C11orf65: variants seen among roughly 807,000 people sequenced by gnomAD.
C11orf65 encodes protein MFI.
Under a neutral mutation model 35.3 loss-of-function variants are expected in C11orf65, and 38 were observed. That is an observed-to-expected ratio of 1.08 (90% CI 0.83 to 1.41). The LOEUF (loss-of-function observed/expected upper bound fraction) is 1.41, where lower values mean the gene tolerates loss of function less well. Ranked by LOEUF, C11orf65 falls within the 40% of genes most tolerant of loss-of-function variation. The pLI is 0.00. For missense variants in C11orf65, 370 were observed against 367.1 expected (o/e 1.01, Z -0.06); for synonymous variants, 105 against 114.4 (o/e 0.92, Z 0.53).
intron 2 of C11orf65, among the ~76,000 whole-genome samples, chr11:108,442,980 A>C (rs1260659133): frequency 6.6e-6 from 1 of 152,210 alleles, no homozygotes; most frequent in Non-Finnish European, 1.5e-5. Flanking sequence ...ATTAACTTTA[A>C]ATGTAAATGG....
At chr11:108,400,885 T>C (rs893450238) in intron 6 of C11orf65, among the ~76,000 whole-genome samples, 10 of 152,000 alleles carry the variant, frequency 6.6e-5, no homozygotes, top group Admixed American at 1.3e-4. Flanking sequence ...GGCAGGCAGA[T>C]CACAAGGTCA....
rs780905851 is a variant in C11orf65 at position 108,345,889 on chromosome 11, T to A, written c.227-10597A>T. 3.7e-6 allele frequency: 6 copies of A among 1,613,658 alleles called. No individual in the cohort carries two copies. The highest frequency in any genetic ancestry group is 5.1e-6 in the Non-Finnish European group (6 of 1,179,790). ...AGAAGCGATTGGCTTATACGCGCAG[T>A]GTAGCTACTTCTTCTATTGGTAATC... is the stretch of plus-strand genomic sequence containing the variant. On this transcript the variant is annotated intron_variant, in intron 2 of 3. Transcript: ENST00000524755.
chr11:108,411,272 G>A (rs2356801), intron 3 of C11orf65, among the ~76,000 whole-genome samples: 76,049 of 151,742 alleles, frequency 0.5, 20,360 homozygotes, highest in Middle Eastern at 0.73. Context: ...AAATTTGGTG[G>A]TTTTCTACTT....
chr11:108,315,650 GTGT>G (rs2084564089), intron 6 of C11orf65, among the ~76,000 whole-genome samples: 1 of 151,872 alleles, frequency 6.6e-6, no homozygotes, highest in Non-Finnish European at 1.5e-5. Flanking sequence ...GTTCAAACTC[GTGT>G]TGTTTGAACT....
chr11:108,405,421 C>G lies in C11orf65; in HGVS notation c.560+8G>C. 6.2e-7 allele frequency: 1 copy of G among 1,607,006 alleles called. No homozygotes were observed. The highest frequency in any genetic ancestry group is 8.5e-7 in the Non-Finnish European group (1 of 1,178,548). On this transcript the variant is annotated splice_region_variant and intron_variant, in intron 6 of 8. Transcript: ENST00000393084. ...CGTATTTCCTTAGTAAGTGTTTCAT[C>G]AACTTACATTTGCCTCATCCACTCT...
At position 108,431,816 on chromosome 11, in the gene C11orf65, A is replaced by C; in HGVS notation, c.104T>G (p.Phe35Cys). The C allele has an allele frequency of 6.6e-7, 1 of 1,518,640 alleles. No homozygotes were observed. The highest frequency in any genetic ancestry group is 1.3e-5 in the South Asian group (1 of 75,456). The allele number at this position is 1,518,640 out of a possible 1,614,324, so 94.1% of individuals were successfully genotyped here. A position where few individuals can be genotyped will look rare whatever the true frequency, so the allele number is the denominator to read the frequency against. The part of the protein sequence containing the change: ...SFLNVAIFQH[F>C]KSLIDLRRQG... ...TCTTCTTAAATCAATCAGACTTTTA[A>C]AGTGTTGAAATATAGCGACATTCTA... Residue 35 changes from phenylalanine to cysteine, a missense_variant, in exon 3 of 9, where the codon TTT (phenylalanine) becomes TGT (cysteine). By Grantham distance (205) the Phe-to-Cys change is radical. Transcript: ENST00000393084.
intron 2 of C11orf65, among the ~76,000 whole-genome samples, chr11:108,439,831 T>C (rs181199177): frequency 6.6e-6 from 1 of 152,276 alleles, no homozygotes; most frequent in Admixed American, 6.5e-5. Context: ...TTTTGTTTAA[T>C]GGGTACATGA....
At chr11:108,353,659 A>G (rs2089475456) in intron 2 of C11orf65, 1 of 876,210 alleles carries the variant, frequency 1.1e-6, no homozygotes, top group African/African-American at 1.6e-5. Context: ...GTGTTCATAG[A>G]ACGTAGGTAA....
At chr11:108,402,615 ATATT>A (rs1565650712) in intron 6 of C11orf65, among the ~76,000 whole-genome samples, 4 of 151,706 alleles carry the variant, frequency 2.6e-5, no homozygotes, top group African/African-American at 9.7e-5. Flanking sequence ...TAAACTACAC[ATATT>A]TAAATTGTAC....
At chr11:108,309,084 T>A (rs1170846130) in intron 6 of C11orf65, 1 of 1,402,796 alleles carries the variant, frequency 7.1e-7, no homozygotes, top group African/African-American at 1.4e-5. Context: ...GGAGAAAGTA[T>A]GAATGGGATA....
At chr11:108,336,284 G>A (rs925232167) in intron 2 of C11orf65, 1 of 260,822 alleles carries the variant, frequency 3.8e-6, no homozygotes, top group Middle Eastern at 1.4e-3. Context: ...AGTCCAGCCT[G>A]AGCAACACAG....
At position 108,336,100 on chromosome 11, in the gene C11orf65, C is replaced by G. The variant is rs899773442; in HGVS notation, c.227-808G>C. On this transcript the variant is annotated intron_variant, in intron 2 of 3. Coordinates refer to the C11orf65 transcript ENST00000524755. ...TTGCTTGAGGCCAGGAGTTCGAGACCAGCCTCAGCAACATAGTGAGACCCC... is the reference window on the plus strand; with the variant it reads ...TTGCTTGAGGCCAGGAGTTCGAGACGAGCCTCAGCAACATAGTGAGACCCC... 9 of 655,690 alleles carry G rather than the reference C, an allele frequency of 1.4e-5. No individual in the cohort carries two copies. In the Admixed American group the frequency reaches 1.7e-4, roughly 12 times the overall value. The allele number at this position is 655,690 out of a possible 1,614,324, so 40.6% of individuals were successfully genotyped here.
At chr11:108,353,489 T>G (rs1412852089) in intron 2 of C11orf65, among the ~76,000 whole-genome samples, 9 of 152,162 alleles carry the variant, frequency 5.9e-5, no homozygotes, top group African/African-American at 2.2e-4. Context: ...CATTTTAAAT[T>G]ATACCAGTAG....
intron 6 of C11orf65, among the ~76,000 whole-genome samples, chr11:108,310,945 A>AT (rs2084104215): frequency 1.3e-5 from 2 of 152,172 alleles, no homozygotes; most frequent in Non-Finnish European, 2.9e-5. Context: ...AAAACACTTT[A>AT]TTATCCCAAC....
At chr11:108,435,221 G>T (rs1256110722) in intron 2 of C11orf65, among the ~76,000 whole-genome samples, 2 of 151,998 alleles carry the variant, frequency 1.3e-5, no homozygotes, top group East Asian at 3.8e-4. Flanking sequence ...AATGGTCTTA[G>T]TTTCCACAGG....
intron 6 of C11orf65, among the ~76,000 whole-genome samples, chr11:108,403,495 T>C (rs1218866432): frequency 6.7e-6 from 1 of 149,706 alleles, no homozygotes; most frequent in Non-Finnish European, 1.5e-5. Context: ...TATCCCGGTC[T>C]ATGGCTTTTA....
chr11:108,439,944 G>A (rs1156824011), intron 2 of C11orf65, among the ~76,000 whole-genome samples: 2 of 152,022 alleles, frequency 1.3e-5, no homozygotes, highest in Non-Finnish European at 2.9e-5. Flanking sequence ...ACCTAAAAAC[G>A]GTTAAACTGG....
intron 2 of C11orf65, among the ~76,000 whole-genome samples, chr11:108,370,183 T>C (rs1050065422): frequency 3.3e-5 from 5 of 152,104 alleles, no homozygotes; most frequent in African/African-American, 1.2e-4. Context: ...CTAAGCACTT[T>C]GTTTTTTTAA....
At chr11:108,384,305 G>A (rs949920670) in intron 8 of C11orf65, among the ~76,000 whole-genome samples, 3 of 152,192 alleles carry the variant, frequency 2.0e-5, no homozygotes, top group African/African-American at 7.2e-5. Context: ...GCTGGAAATA[G>A]GTGGATTGGT....
Sources: gnomAD v4.1 joint callset for allele counts (sites outside exome capture counted in the v4.1 genomes callset) on GRCh38, gnomAD v4.1.1 for gene constraint, MANE v1.5 for transcripts, NCBI Gene and HGNC (gene_info 2026-07-23, HGNC 2026-07-21) for gene names.